The following CRB2 variants were observed in gnomAD, a reference collection of about 807,000 sequenced individuals.
CRB2 encodes the protein protein crumbs homolog 2.
In CRB2, 85 loss-of-function variants were observed where a neutral mutation model predicts 110.9. That is an observed-to-expected ratio of 0.77 (90% confidence interval 0.64 to 0.92). The LOEUF (loss-of-function observed/expected upper bound fraction) is 0.92. Ranked by LOEUF, CRB2 falls within the 40% of genes least tolerant of loss-of-function variation. CRB2 has a pLI of 0.00. For synonymous variants in CRB2, 907 were observed against 831.0 expected (o/e 1.09, Z -1.57); for missense variants, 1,843 against 1,851.3 (o/e 1.00, Z 0.08).
At position 123,373,867 on chromosome 9, in the gene CRB2, C is replaced by T. The variant is rs1457057083; in HGVS notation, c.3336C>T (p.Pro1112=). 6 of 1,552,560 alleles carry T rather than the reference C, an allele frequency of 3.9e-6. No individual in the cohort carries two copies. Among genetic ancestry groups the T allele is most frequent in the East Asian group, 2.4e-5 (1 of 41,524 alleles). ...PCARGRCHTH[P]DGRFECRCPP... is the part of the protein sequence containing the mutation. Reference sequence around the variant, plus strand: ...CCCGTGGCCGCTGTCACACGCACCCCGACGGCCGCTTCGAGTGCCGCTGCC... The same window carrying T: ...CCCGTGGCCGCTGTCACACGCACCCTGACGGCCGCTTCGAGTGCCGCTGCC... The change falls in exon 10 of 13, where the codon CCC becomes CCT. Residue 1112 remains proline (P), a synonymous_variant. Transcript: ENST00000373631.
intron 6 of CRB2, among the ~76,000 whole-genome samples, chr9:123,368,606 A>G (rs1327013628): frequency 6.6e-6 from 1 of 152,234 alleles, no homozygotes; most frequent in Non-Finnish European, 1.5e-5. Flanking sequence ...CAGGTTCACC[A>G]CTATCAGCGG....
At chr9:123,368,964 C>A in intron 6 of CRB2, 1 of 1,215,180 alleles carries the variant, frequency 8.2e-7, no homozygotes, top group Non-Finnish European at 1.1e-6. Flanking sequence ...GGAATGTGGG[C>A]CCTGGGCAGG....
chr9:123,366,098 C>CGGGCACCCGT lies in CRB2; in HGVS notation c.601_602insGGCACCCGTG (p.Asp201GlyfsTer4), dbSNP rs1349430089. 40 of 1,514,162 alleles carry CGGGCACCCGT rather than the reference C, an allele frequency of 2.6e-5. No homozygotes were observed. The highest frequency in any genetic ancestry group is 3.5e-5 in the Non-Finnish European group (40 of 1,138,024). The allele number at this position is 1,514,162 out of a possible 1,614,324, so 93.8% of individuals were successfully genotyped here. On this transcript the variant is annotated frameshift_variant, in exon 3 of 13. Transcript: ENST00000373631. LOFTEE classifies it high-confidence loss of function. ...CGTGCGCACATGGGGGCACGTGCCA[C>CGGGCACCCGT]GACCTGGTCAACGGGTGAGCGAGCG...
downstream of CRB2, chr9:123,379,925 A>C (rs530373026): frequency 6.6e-6 from 1 of 152,424 alleles, no homozygotes; most frequent in South Asian, 2.1e-4. Flanking sequence ...AGGTGCCCCC[A>C]TGGCCCAGGA....
chr9:123,355,377 T>C (rs1408285970), upstream of CRB2, among the ~76,000 whole-genome samples: 1 of 151,976 alleles, frequency 6.6e-6, no homozygotes, highest in Non-Finnish European at 1.5e-5. Context: ...TGCTTTGGAT[T>C]GCAGTGAGGT....
chr9:123,374,981 G>A (rs944592583), intron 11 of CRB2, among the ~76,000 whole-genome samples: 14 of 152,240 alleles, frequency 9.2e-5, no homozygotes, highest in Non-Finnish European at 1.9e-4. Context: ...TGGCGTCAGC[G>A]TCTGGGGCAC....
intron 2 of CRB2, among the ~76,000 whole-genome samples, chr9:123,364,556 G>GTGGGGA (rs1298469049): frequency 2.6e-5 from 4 of 152,208 alleles, no homozygotes; most frequent in Admixed American, 1.3e-4. Context: ...GAGGGTGGGA[G>GTGGGGA]TGGGGATGGG....
intron 12 of CRB2, 119 bp from the exon 13 acceptor site, chr9:123,376,719 C>G: frequency 1.0e-6 from 1 of 991,438 alleles, no homozygotes; most frequent in African/African-American, 1.6e-5. Flanking sequence ...CCCAGGGCAG[C>G]CTGCTCCCAG....
In CRB2 at chr9:123,375,250, C is replaced by T. The variant is rs1367937815; in HGVS notation, c.3540C>T (p.Asn1180=). Residue 1180 remains asparagine, a synonymous_variant, in exon 12 of 13, where the codon AAC becomes AAT. Transcript: ENST00000373631. ...TCCCCACTCTCCCCTGTGAAGCCAA[C>T]CCCTGCTTGAATGGGGGCACCTGCC... ...CQVPTLPCEA[N]PCLNGGTCRA... is the part of the protein sequence containing the mutation. The T allele has an allele frequency of 6.2e-7, 1 of 1,612,260 alleles. No homozygotes were observed. The highest frequency in any genetic ancestry group is 8.5e-7 in the Non-Finnish European group (1 of 1,179,252).
chr9:123,359,539 C>T (rs1427581983), intron 1 of CRB2, among the ~76,000 whole-genome samples: 1 of 150,592 alleles, frequency 6.6e-6, no homozygotes, highest in Non-Finnish European at 1.5e-5. Flanking sequence ...GCCTCGACAC[C>T]CTGGGCTCAA....
Position 123,373,940 on chromosome 9 carries a change from G to A in CRB2, c.3389+20G>A, listed in dbSNP as rs771159644. ...CTGCAGGTGGGATGGCTGGGCAGGGGGGTGGGCTGCGAATGCCCCCTGGGG... is the reference window on the plus strand; with the variant it reads ...CTGCAGGTGGGATGGCTGGGCAGGGAGGTGGGCTGCGAATGCCCCCTGGGG... On this transcript the variant is annotated intron_variant, in intron 10 of 12. Coordinates refer to ENST00000373631, the MANE Select transcript of CRB2 (RefSeq NM_173689.7). The A allele has an allele frequency of 3.2e-6, 5 of 1,549,990 alleles. No individual in the cohort carries two copies. The highest frequency in any genetic ancestry group is 2.7e-5 in the African/African-American group (2 of 73,060).
intron 1 of CRB2, among the ~76,000 whole-genome samples, chr9:123,361,785 G>C (rs1044202657): frequency 4.6e-5 from 7 of 152,198 alleles, no homozygotes; most frequent in African/African-American, 7.2e-5. Flanking sequence ...AGGCTCTGTA[G>C]GAGAAATGAC....
At position 123,370,873 on chromosome 9, in the gene CRB2, A is replaced by C. The variant is rs768103631; in HGVS notation, c.1820A>C (p.Glu607Ala). The change falls in exon 7 of 13, where the codon GAG (glutamate) becomes GCG (alanine). Residue 607 changes from glutamate (E) to alanine (A), a missense_variant. Coordinates refer to ENST00000373631, the MANE Select transcript of CRB2 (RefSeq NM_173689.7). ...GTCCTCCTGGGCTGTGAGCGCCGAG[A>C]GCAGTGCCGGCCTCTGCCTTGTGTC... ...ENVLLGCERREQCRPLPCVHG... is the reference protein window; with the variant it reads ...ENVLLGCERRAQCRPLPCVHG... The C allele has an allele frequency of 9.9e-6, 16 of 1,611,090 alleles. No homozygotes were observed. The South Asian group carries it at 1.6e-4, about 17-fold the overall frequency.
At position 123,373,120 on chromosome 9, in the gene CRB2, C is replaced by T. The variant is rs1324786985; in HGVS notation, c.2603-14C>T. 2.0e-6 allele frequency: 3 copies of T among 1,484,624 alleles called. No homozygotes were observed. In the East Asian group the frequency reaches 8.5e-5, roughly 42 times the overall value. The allele number at this position is 1,484,624 out of a possible 1,614,324, so 92.0% of individuals were successfully genotyped here. On this transcript the variant is annotated splice_polypyrimidine_tract_variant and intron_variant, in intron 9 of 12. Coordinates refer to ENST00000373631, the MANE Select transcript of CRB2 (RefSeq NM_173689.7). The stretch of plus-strand genomic sequence containing the variant: ...GCTCCGTGGGCTATTCCCTGAGGCT[C>T]CTTCTCTCCGCAGGTGTGGCGGAGG...
At chr9:123,372,373 T>G in intron 9 of CRB2, 31 bp downstream of exon 9, 1 of 1,563,474 alleles carries the variant, frequency 6.4e-7, no homozygotes, top group Non-Finnish European at 8.7e-7. Context: ...GCTCCCGTGC[T>G]GGGTGCTGGA....
chr9:123,370,711 TGGCTTCCAC>T lies in CRB2; in HGVS notation c.1665_1673del (p.Thr556_Ser558del), dbSNP rs763958606. 2 of 1,604,718 alleles carry T rather than the reference TGGCTTCCAC, an allele frequency of 1.2e-6. No individual in the cohort carries two copies. The highest frequency in any genetic ancestry group is 1.7e-6 in the Non-Finnish European group (2 of 1,179,906). On this transcript the variant is annotated inframe_deletion, in exon 7 of 13. Transcript: ENST00000373631. ...TGTGTGGCCTCTGGTCCTGTGGCCC[TGGCTTCCAC>T]GGCTTCGGCAACTCCGCTGCCTGCC...
chr9:123,365,864 C>T lies in CRB2; in HGVS notation c.419-53C>T, dbSNP rs958647128. ...GGAGCAGGCCTGGCGCGACCTCTTCCGCCCTGCTCTGGGTGTCCATCCTGC... is the reference window on the plus strand; with the variant it reads ...GGAGCAGGCCTGGCGCGACCTCTTCTGCCCTGCTCTGGGTGTCCATCCTGC... On this transcript the variant is annotated intron_variant, in intron 2 of 12. Coordinates refer to ENST00000373631, the MANE Select transcript of CRB2 (RefSeq NM_173689.7). 11 of 1,491,576 alleles carry T rather than the reference C, an allele frequency of 7.4e-6. No homozygotes were observed. The Admixed American group carries it at 1.4e-4, about 19-fold the overall frequency. The allele number at this position is 1,491,576 out of a possible 1,614,324, so 92.4% of individuals were successfully genotyped here.
At chr9:123,375,091 A>C in intron 11 of CRB2, 126 bp from the exon 12 acceptor site, 1 of 1,372,410 alleles carries the variant, frequency 7.3e-7, no homozygotes. Flanking sequence ...GGGCAGGAGC[A>C]GCGCATGGGG....
rs74778545 is a variant in CRB2 at position 123,367,300 on chromosome 9, G to T, written c.883G>T (p.Ala295Ser). 7,191 of 1,604,166 alleles carry T rather than the reference G, an allele frequency of 4.5e-3. 231 individuals carry two copies. In the African/African-American group the frequency reaches 0.081, roughly 18 times the overall value. ...GGGTGTCCAGGCCGCCTTCCCTGGC[G>T]CCTTCAGCTTCCGCCATGCTGCGGG... is the stretch of plus-strand genomic sequence containing the variant. ...YGGVQAAFPG[A>S]FSFRHAAGFL... is the part of the protein sequence containing the mutation. Residue 295 changes from alanine (A) to serine (S), a missense_variant, in exon 5 of 13, where the codon GCC becomes TCC. Ala to Ser is a moderately conservative substitution (Grantham distance 99). Coordinates refer to ENST00000373631, the MANE Select transcript of CRB2 (RefSeq NM_173689.7).
Sources: gnomAD v4.1 joint callset for allele counts (sites outside exome capture counted in the v4.1 genomes callset) on GRCh38, gnomAD v4.1.1 for gene constraint, MANE v1.5 for transcripts, NCBI Gene and HGNC (gene_info 2026-07-23, HGNC 2026-07-21) for gene names.